Variants in SCN2A observed in about 807,000 individuals in gnomAD.
SCN2A encodes sodium channel protein type 2 subunit alpha.
A neutral mutation model predicts 188.7 loss-of-function variants in SCN2A; 20 were observed. That is an observed-to-expected ratio of 0.11 (90% CI 0.07 to 0.15). The LOEUF (loss-of-function observed/expected upper bound fraction) is 0.15, where lower values mean the gene tolerates loss of function less well. Among genes scored for constraint, SCN2A ranks in the 10% least tolerant of loss-of-function variants. SCN2A has a pLI of 1.00. For synonymous variants in SCN2A, 804 were observed against 833.1 expected, an observed-to-expected ratio of 0.97 and a Z score of 0.60; for missense variants, 1,278 against 2,445.0, an observed-to-expected ratio of 0.52 and a Z score of 10.07.
intron 17 of SCN2A, among the ~76,000 whole-genome samples, chr2:165,364,390 C>A (rs999153572): frequency 2.6e-5 from 4 of 152,132 alleles, no homozygotes; most frequent in Admixed American, 6.6e-5. Context: ...AAAACAACTT[C>A]TATTATATTT....
rs971453759 is a variant in SCN2A at position 165,389,900 on chromosome 2, C to T, written c.*76C>T. The T allele has an allele frequency of 1.3e-6, 2 of 1,535,192 alleles. No individual in the cohort carries two copies. The highest frequency in any genetic ancestry group is 1.7e-6 in the Non-Finnish European group (2 of 1,146,424). Reference sequence around the variant, plus strand: ...TGGTGATGTGTTTGTGTCAACAGGACTCCCACAGGAGGTCTATGCCAAACT... The same window carrying T: ...TGGTGATGTGTTTGTGTCAACAGGATTCCCACAGGAGGTCTATGCCAAACT... On this transcript the variant is annotated 3_prime_UTR_variant, in exon 27 of 27. Transcript: ENST00000375437. This position sits in a 1 kb window ranked among gnomAD's most constrained non-coding sequence, Gnocchi z 4.2.
chr2:165,340,550 T>C (rs1699255953), intron 14 of SCN2A, among the ~76,000 whole-genome samples: 1 of 152,170 alleles, frequency 6.6e-6, no homozygotes, highest in South Asian at 2.1e-4. Context: ...CAAATGTAGG[T>C]ATTGAATAGG....
chr2:165,317,115 A>C (rs557526976), intron 11 of SCN2A, among the ~76,000 whole-genome samples: 301 of 152,232 alleles, frequency 2.0e-3, no homozygotes, highest in Non-Finnish European at 3.3e-3. Context: ...GATATATATA[A>C]ATTTTTTTAG....
At chr2:165,369,230 G>C (rs1248375589) in intron 19 of SCN2A, among the ~76,000 whole-genome samples, 1 of 152,104 alleles carries the variant, frequency 6.6e-6, no homozygotes, top group East Asian at 1.9e-4. Flanking sequence ...CACCTTGCCA[G>C]ACATGCTTTC....
intron 25 of SCN2A, 81 bp downstream of exon 25, chr2:165,381,278 T>C (rs1001452720): frequency 2.9e-6 from 3 of 1,031,896 alleles, no homozygotes; most frequent in Non-Finnish European, 4.4e-6. Context: ...AAACTAGTTA[T>C]TTTTGTGGAT....
intron 7 of SCN2A, 147 bp downstream of exon 7, chr2:165,310,742 G>A: frequency 2.0e-6 from 1 of 506,268 alleles, no homozygotes; most frequent in Non-Finnish European, 3.2e-6. Flanking sequence ...GATATCAAAT[G>A]ATACCTTATT....
At chr2:165,240,608 G>C (rs536649170) in intron 1 of SCN2A, among the ~76,000 whole-genome samples, 3 of 150,008 alleles carry the variant, frequency 2.0e-5, no homozygotes, top group East Asian at 3.9e-4. Flanking sequence ...TTTAAAAATA[G>C]TTTTGTAAGA....
chr2:165,333,728 T>G (rs1698825964), intron 14 of SCN2A, among the ~76,000 whole-genome samples: 1 of 151,500 alleles, frequency 6.6e-6, no homozygotes, highest in African/African-American at 2.4e-5. Context: ...AAGCTCCTTT[T>G]TAATAAACTA....
intron 14 of SCN2A, among the ~76,000 whole-genome samples, chr2:165,335,309 G>A (rs1033669067): frequency 6.6e-6 from 1 of 150,986 alleles, no homozygotes; most frequent in Non-Finnish European, 1.5e-5. Context: ...ATCTTAACTA[G>A]AAAAAAAATA....
rs1553588962 is a variant in SCN2A, at chr2:165,365,188, G to A, written c.3445G>A (p.Gly1149Arg). The A allele has an allele frequency of 9.3e-6, 15 of 1,613,648 alleles. No homozygotes were observed. The highest frequency in any genetic ancestry group is 1.3e-5 in the Non-Finnish European group (15 of 1,179,830). Reference sequence around the variant, plus strand: ...ATCTGAAGGCAGCACGGTTGATATTGGAGCTCCCGCCGAGGGAGAACAGCC... The same window carrying A: ...ATCTGAAGGCAGCACGGTTGATATTAGAGCTCCCGCCGAGGGAGAACAGCC... ...SSSEGSTVDI[G>R]APAEGEQPEV... The change falls in exon 18 of 27, where the codon GGA becomes AGA. Residue 1149 changes from glycine to arginine, a missense_variant. Gly to Arg is a moderately radical substitution (Grantham distance 125). Transcript: ENST00000375437.
intron 1 of SCN2A, among the ~76,000 whole-genome samples, chr2:165,247,282 C>CT (rs76923766): frequency 1.2e-4 from 19 of 152,116 alleles, no homozygotes; most frequent in Admixed American, 2.0e-4. Flanking sequence ...CTTCAACTAT[C>CT]TTTTTTTTAT....
At chr2:165,300,283 T>C (rs915471848) in intron 3 of SCN2A, among the ~76,000 whole-genome samples, 3 of 152,226 alleles carry the variant, frequency 2.0e-5, no homozygotes, top group African/African-American at 7.2e-5. Context: ...ACTGAGTATC[T>C]ACCATGTGGT....
chr2:165,316,733 T>A (rs1697772015), intron 11 of SCN2A, among the ~76,000 whole-genome samples: 1 of 152,230 alleles, frequency 6.6e-6, no homozygotes, highest in African/African-American at 2.4e-5. Context: ...GTTGAGTACC[T>A]ATTTTATGCT....
chr2:165,354,325 A>G lies in SCN2A; in HGVS notation c.3053A>G (p.Lys1018Arg). Residue 1018 changes from lysine to arginine, a missense_variant, in exon 17 of 27, where the codon AAA becomes AGA. Lys to Arg is a conservative substitution (Grantham distance 26, BLOSUM62 2). Around this residue, in one of 17 missense-constraint regions of SCN2A, gnomAD observed 228 missense variants for 297.3 expected, o/e 0.77. Transcript: ENST00000375437. ...ATGCAGAAAGGAATCGATTTTGTTA[A>G]AAGAAAAATACGTGAATTTATTCAG... ...GRMQKGIDFV[K>R]RKIREFIQKA... is the part of the protein sequence containing the mutation. 1 of 1,614,170 alleles carries G rather than the reference A, an allele frequency of 6.2e-7. No individual in the cohort carries two copies. Among genetic ancestry groups the G allele is most frequent in the Non-Finnish European group, 8.5e-7 (1 of 1,180,018 alleles).
chr2:165,291,504 T>TC (rs1393052302), intron 1 of SCN2A, among the ~76,000 whole-genome samples: 25 of 126,604 alleles, frequency 2.0e-4, no homozygotes, highest in African/African-American at 7.4e-4. Flanking sequence ...TCTTTCTTTC[T>TC]TTCTTTCTTC....
Position 165,296,951 on chromosome 2 carries a change from TTTCTC to T in SCN2A, c.268-63_268-59del, listed in dbSNP as rs1696543777. 8 of 862,368 alleles carry T rather than the reference TTTCTC, an allele frequency of 9.3e-6. No individual in the cohort carries two copies. The South Asian group carries it at 1.1e-4, about 12-fold the overall frequency. The allele number at this position is 862,368 out of a possible 1,614,324, so 53.4% of individuals were successfully genotyped here. ...AATATTTATAAATAATGGTTTTACT[TTTCTC>T]TTAAAATATTCTTAATATATATTCT... On this transcript the variant is annotated intron_variant, in intron 2 of 26. Coordinates refer to ENST00000375437, the MANE Select transcript of SCN2A (RefSeq NM_001040142.2).
At chr2:165,261,609 A>G (rs909340075) in intron 1 of SCN2A, among the ~76,000 whole-genome samples, 2 of 152,220 alleles carry the variant, frequency 1.3e-5, no homozygotes, top group African/African-American at 2.4e-5. Flanking sequence ...GGGGTACACC[A>G]ATGAGTTGAG....
At chr2:165,357,965 AT>A (rs1265099149) in intron 17 of SCN2A, among the ~76,000 whole-genome samples, 2 of 152,190 alleles carry the variant, frequency 1.3e-5, no homozygotes, top group African/African-American at 4.8e-5. Context: ...TGGCAGTAAA[AT>A]AAAAACATGC....
At chr2:165,309,290 T>G (rs759696674) in intron 5 of SCN2A, 62 bp from the exon 6 acceptor site, 1 of 1,613,426 alleles carries the variant, frequency 6.2e-7, no homozygotes, top group South Asian at 1.1e-5. Flanking sequence ...GGTAGGCCCC[T>G]TATATCTCCA....
Sources: allele counts gnomAD v4.1 joint callset (sites outside exome capture counted in the v4.1 genomes callset), GRCh38; gene constraint gnomAD v4.1.1; regional missense constraint gnomAD v4.1.1; non-coding constraint Gnocchi (gnomAD v3.1); transcripts MANE v1.5; gene names NCBI Gene and HGNC (gene_info 2026-07-23, HGNC 2026-07-21).